PTGFRN: variants seen among roughly 807,000 people sequenced by gnomAD.
PTGFRN encodes prostaglandin F2 receptor inhibitor, also known as prostaglandin F2 receptor negative regulator.
PTGFRN carries 35 observed loss-of-function variants against 83.2 expected under a neutral mutation model. The ratio of observed to expected loss-of-function variants is 0.42; its 90% CI spans 0.32 to 0.56. The LOEUF (loss-of-function observed/expected upper bound fraction) is 0.56. Among genes scored for constraint, PTGFRN ranks in the 20% least tolerant of loss-of-function variants. The pLI is 0.11. For synonymous variants in PTGFRN, 519 were observed against 498.6 expected, an observed-to-expected ratio of 1.04 and a Z score of -0.55; for missense variants, 1,051 against 1,179.5, an observed-to-expected ratio of 0.89 and a Z score of 1.60.
At chr1:116,914,611 G>A (rs757028323) in intron 1 of PTGFRN, among the ~76,000 whole-genome samples, 18 of 152,200 alleles carry the variant, frequency 1.2e-4, no homozygotes, top group East Asian at 3.9e-4. Flanking sequence ...AAAGTTAGCC[G>A]GGTATGGTGG....
chr1:116,965,190 C>T (rs1268315202), intron 5 of PTGFRN, among the ~76,000 whole-genome samples: 1 of 152,184 alleles, frequency 6.6e-6, no homozygotes, highest in East Asian at 1.9e-4. Flanking sequence ...TAGCTTTCTG[C>T]CTGCTGTTCC....
Position 116,987,065 on chromosome 1 carries a change from C to A in PTGFRN, c.*98C>A, listed in dbSNP as rs1651518148. 12 of 1,417,902 alleles carry A rather than the reference C, an allele frequency of 8.5e-6. No individual in the cohort carries two copies. Among genetic ancestry groups the A allele is most frequent in the South Asian group, 1.3e-5 (1 of 78,334 alleles). The allele number at this position is 1,417,902 out of a possible 1,614,324, so 87.8% of individuals were successfully genotyped here. The stretch of plus-strand genomic sequence containing the variant: ...AAAACAAAGTGTGTTACACTAAAAA[C>A]CAGTCCTCTCTAATCTCAGGTGGGA... On this transcript the variant is annotated 3_prime_UTR_variant, in exon 9 of 9. Coordinates refer to ENST00000393203, the MANE Select transcript of PTGFRN (RefSeq NM_020440.4).
At chr1:116,942,316 AT>A (rs932130730) in intron 2 of PTGFRN, among the ~76,000 whole-genome samples, 3 of 152,128 alleles carry the variant, frequency 2.0e-5, no homozygotes, top group African/African-American at 7.2e-5. Flanking sequence ...TCACTCCGGT[AT>A]GGTTCTGAGC....
At chr1:116,950,809 C>T (rs78575883) in intron 4 of PTGFRN, among the ~76,000 whole-genome samples, 2,113 of 152,142 alleles carry the variant, frequency 0.014, 50 homozygotes, top group East Asian at 0.11. Context: ...CAAAGTAATC[C>T]TTTGATATCT....
chr1:116,964,306 TC>T (rs1650765394), intron 5 of PTGFRN, among the ~76,000 whole-genome samples: 1 of 152,110 alleles, frequency 6.6e-6, no homozygotes, highest in Admixed American at 6.6e-5. Context: ...TATTGGAAAA[TC>T]CTATTGTCAG....
At chr1:116,982,978 A>G (rs1173387602) in intron 7 of PTGFRN, among the ~76,000 whole-genome samples, 6 of 152,152 alleles carry the variant, frequency 3.9e-5, no homozygotes, top group Non-Finnish European at 7.4e-5. Flanking sequence ...TGCAGCTGGT[A>G]ATGCCCTTCC....
At chr1:116,962,635 T>C (rs1650696159) in intron 5 of PTGFRN, among the ~76,000 whole-genome samples, 2 of 152,226 alleles carry the variant, frequency 1.3e-5, no homozygotes, top group Non-Finnish European at 2.9e-5. Context: ...TATTTGGTCC[T>C]ACACTTACAT....
rs1367932079 is a variant in PTGFRN, at chr1:116,944,706, C to G, written c.446C>G (p.Pro149Arg). 1.4e-6 allele frequency: 2 copies of G among 1,422,338 alleles called. No individual in the cohort carries two copies. Among genetic ancestry groups the G allele is most frequent in the Non-Finnish European group, 1.8e-6 (2 of 1,093,278 alleles). The allele number at this position is 1,422,338 out of a possible 1,614,324, so 88.1% of individuals were successfully genotyped here. The stretch of plus-strand genomic sequence containing the variant: ...CTGGCCGACTCCCTGCACGTGGGCC[C>G]CAGCGCGCGGCCCCCGCCGAGCCTG... ...KVLADSLHVG[P>R]SARPPPSLSL... The change falls in exon 3 of 9, where the codon CCC (proline) becomes CGC (arginine). Residue 149 changes from proline (P) to arginine (R), a missense_variant. Around this residue, in one of 3 missense-constraint regions of PTGFRN, gnomAD observed 205 missense variants for 174.5 expected, o/e 1.17. Coordinates refer to ENST00000393203, the MANE Select transcript of PTGFRN (RefSeq NM_020440.4).
At chr1:116,974,892 C>T (rs909595535) in intron 7 of PTGFRN, among the ~76,000 whole-genome samples, 8 of 152,122 alleles carry the variant, frequency 5.3e-5, no homozygotes, top group Admixed American at 2.6e-4. Context: ...ACAGTAGGTA[C>T]AGCCCACCGA....
rs142302653 is a variant in PTGFRN at position 116,961,599 on chromosome 1, C to T, written c.1570C>T (p.Arg524Trp). ...TGTTGTGTCTGCCTGGACCAAACAG[C>T]GGAACAACAGCTGGGTGAAAAGCAA... Reference protein sequence around the residue: ...YCVVSAWTKQRNNSWVKSKDV... With the variant: ...YCVVSAWTKQWNNSWVKSKDV... The change falls in exon 5 of 9, where the codon CGG (arginine) becomes TGG (tryptophan). Residue 524 changes from arginine to tryptophan, a missense_variant. Physicochemically the swap from Arg to Trp is moderately radical, Grantham distance 101. Coordinates refer to ENST00000393203, the MANE Select transcript of PTGFRN (RefSeq NM_020440.4). The surrounding 1 kb of genome is among the most constrained non-coding windows in gnomAD (Gnocchi z 5.4). 96 of 1,614,126 alleles carry T rather than the reference C, an allele frequency of 5.9e-5. No individual in the cohort carries two copies. In the African/African-American group the frequency reaches 8.0e-4, roughly 13 times the overall value.
At position 116,987,165 on chromosome 1, in the gene PTGFRN, C is replaced by T. The variant is rs573024780; in HGVS notation, c.*198C>T. The T allele has an allele frequency of 8.7e-5, 49 of 564,690 alleles. No homozygotes were observed. Among genetic ancestry groups the T allele is most frequent in the Admixed American group, 1.3e-4 (4 of 31,460 alleles). The allele number at this position is 564,690 out of a possible 1,614,324, so 35.0% of individuals were successfully genotyped here. A position where few individuals can be genotyped will look rare whatever the true frequency, so the allele number is the denominator to read the frequency against. On this transcript the variant is annotated 3_prime_UTR_variant, in exon 9 of 9. Coordinates refer to ENST00000393203, the MANE Select transcript of PTGFRN (RefSeq NM_020440.4). ...TACCAGCACACGGCTCTTCTTCCCACGGCACTTTCTGATGTAACAATCGAG... is the reference window on the plus strand; with the variant it reads ...TACCAGCACACGGCTCTTCTTCCCATGGCACTTTCTGATGTAACAATCGAG...
intron 7 of PTGFRN, 198 bp downstream of exon 7, chr1:116,974,521 G>T (rs548387949): frequency 2.2e-6 from 1 of 455,990 alleles, no homozygotes; most frequent in Non-Finnish European, 3.9e-6. Flanking sequence ...TAGATGGTTT[G>T]GAAATACATC....
At chr1:116,972,525 T>C (rs1238842825) in intron 6 of PTGFRN, among the ~76,000 whole-genome samples, 1 of 152,242 alleles carries the variant, frequency 6.6e-6, no homozygotes, top group Admixed American at 6.5e-5. Context: ...ATCATGTTAC[T>C]CCCTCTGTCA....
chr1:116,935,590 ACT>A (rs1649900370), intron 1 of PTGFRN, among the ~76,000 whole-genome samples: 1 of 152,092 alleles, frequency 6.6e-6, no homozygotes, highest in South Asian at 2.1e-4. Context: ...TGAAATTTAA[ACT>A]CTGCTTACCA....
intron 6 of PTGFRN, among the ~76,000 whole-genome samples, chr1:116,973,660 G>A (rs928877695): frequency 6.6e-6 from 1 of 151,354 alleles, no homozygotes; most frequent in African/African-American, 2.4e-5. Context: ...CATTTTCCCT[G>A]GCATGCTGAA....
At chr1:116,915,805 T>C (rs1349579808) in intron 1 of PTGFRN, among the ~76,000 whole-genome samples, 1 of 152,222 alleles carries the variant, frequency 6.6e-6, no homozygotes, top group Non-Finnish European at 1.5e-5. Context: ...AGTTCATAGC[T>C]GTTTTGTTTA....
At chr1:116,916,731 G>A (rs1386461056) in intron 1 of PTGFRN, among the ~76,000 whole-genome samples, 1 of 152,228 alleles carries the variant, frequency 6.6e-6, no homozygotes, top group Non-Finnish European at 1.5e-5. Context: ...GGAATGAGCT[G>A]TTTGAAGATG....
rs773473764 is a variant in PTGFRN, at chr1:116,910,186, C to G, written c.-18C>G. On this transcript the variant is annotated 5_prime_UTR_variant, in exon 1 of 9. Transcript: ENST00000393203. ...GGGGAAGGAGGAGGAGGGGGAGAGT[C>G]GCTCCCGCCGGGCGAGCATGGGGCG... 1.3e-5 allele frequency: 20 copies of G among 1,491,994 alleles called. No homozygotes were observed. The highest frequency in any genetic ancestry group is 1.8e-5 in the Non-Finnish European group (20 of 1,126,816). The allele number at this position is 1,491,994 out of a possible 1,614,324, so 92.4% of individuals were successfully genotyped here. A position where few individuals can be genotyped will look rare whatever the true frequency, so the allele number is the denominator to read the frequency against.
chr1:116,986,673 A>T, intron 8 of PTGFRN, 128 bp from the exon 9 acceptor site: 1 of 832,374 alleles, frequency 1.2e-6, no homozygotes, highest in Non-Finnish European at 1.9e-6. Context: ...GCTAGGTGCT[A>T]GATGCAGGAG....
Sources: gnomAD v4.1 joint callset for allele counts (sites outside exome capture counted in the v4.1 genomes callset) on GRCh38, gnomAD v4.1.1 for gene constraint, gnomAD v4.1.1 regional missense constraint, Gnocchi (gnomAD v3.1) non-coding constraint, MANE v1.5 for transcripts, NCBI Gene and HGNC (gene_info 2026-07-23, HGNC 2026-07-21) for gene names.